The following LYZL2 variants were observed in gnomAD, a reference collection of about 807,000 sequenced individuals.
LYZL2 encodes the protein lysozyme like 2.
A neutral mutation model predicts 17.1 loss-of-function variants in LYZL2; 13 were observed. The observed-to-expected ratio is 0.76, with a 90% CI of 0.49 to 1.21. The LOEUF is 1.21. Ranked by LOEUF, LYZL2 falls within the 50% of genes most tolerant of loss-of-function variation. The pLI is 0.00. For missense variants in LYZL2, 166 were observed against 189.2 expected, an observed-to-expected ratio of 0.88 and a Z score of 0.72; for synonymous variants, 63 against 74.4, an observed-to-expected ratio of 0.85 and a Z score of 0.79.
chr10:30,611,838 C>A lies in LYZL2; in HGVS notation c.*117G>T. ...TTCTTAAAAGTATAGCTTAATTTTC[C>A]CTCTCCAAGTTTGAGAAGGAATATT... is the stretch of plus-strand genomic sequence containing the variant. On this transcript the variant is annotated 3_prime_UTR_variant, in exon 5 of 5. Coordinates refer to ENST00000647634, the MANE Select transcript of LYZL2 (RefSeq NM_183058.3). 6.5e-7 allele frequency: 1 copy of A among 1,549,668 alleles called. No homozygotes were observed. Among genetic ancestry groups the A allele is most frequent in the Non-Finnish European group, 8.7e-7 (1 of 1,146,414 alleles).
intron 3 of LYZL2, among the ~76,000 whole-genome samples, chr10:30,614,520 G>A (rs546332733): frequency 4.1e-4 from 62 of 152,330 alleles, no homozygotes; most frequent in Middle Eastern, 3.4e-3. Context: ...CTGCAGCGGG[G>A]GCAGCATGTC....
chr10:30,611,601 AAGAAAGAAAGAAAG>A (rs1398354845), downstream of LYZL2, among the ~76,000 whole-genome samples: 1 of 120,188 alleles, frequency 8.3e-6, no homozygotes, highest in African/African-American at 3.5e-5. Flanking sequence ...GAAAGAAAGA[AAGAAAGAAAGAAAG>A]AGAAAGAAAG....
chr10:30,606,474 T>C, the LYZL2 span, among the ~76,000 whole-genome samples: 1,771 of 151,644 alleles, frequency 0.012, 37 homozygotes, highest in African/African-American at 0.039. Flanking sequence ...CACCTCAGCC[T>C]GCCAAGCAGC....
At chr10:30,623,815 C>T (rs1307359072) in intron 3 of LYZL2, among the ~76,000 whole-genome samples, 1 of 152,140 alleles carries the variant, frequency 6.6e-6, no homozygotes, top group Non-Finnish European at 1.5e-5. Context: ...GCGCTTGAAT[C>T]ATCCTGAAAC....
chr10:30,615,039 CA>C (rs1380802761), intron 3 of LYZL2, among the ~76,000 whole-genome samples: 2 of 152,172 alleles, frequency 1.3e-5, no homozygotes, highest in African/African-American at 4.8e-5. Flanking sequence ...GCTCCCAATG[CA>C]ATGTTAAGTT....
At chr10:30,620,837 C>A (rs1838607680) in intron 3 of LYZL2, among the ~76,000 whole-genome samples, 1 of 151,304 alleles carries the variant, frequency 6.6e-6, no homozygotes. Flanking sequence ...AAAGAAACAT[C>A]CAATCAATAA....
chr10:30,609,229 C>T (rs76757258), downstream of LYZL2, among the ~76,000 whole-genome samples: 705 of 152,268 alleles, frequency 4.6e-3, 7 homozygotes, highest in African/African-American at 0.016. Context: ...ATGGTCTAGG[C>T]CTCAAGTAGC....
intron 1 of LYZL2, among the ~76,000 whole-genome samples, chr10:30,629,372 C>CA (rs1838769672): frequency 6.8e-6 from 1 of 146,418 alleles, no homozygotes; most frequent in Non-Finnish European, 1.5e-5. Flanking sequence ...CCAGCCTGGG[C>CA]AACAGAGTGA....
downstream of LYZL2, among the ~76,000 whole-genome samples, chr10:30,607,334 C>T (rs647985): frequency 0.034 from 5,200 of 152,018 alleles, 262 homozygotes; most frequent in African/African-American, 0.12. Flanking sequence ...CAATACCCAG[C>T]GTTTCTTTTG....
At chr10:30,611,590 A>G (rs1173329394), downstream of LYZL2, among the ~76,000 whole-genome samples, 19 of 121,796 alleles carry the variant, frequency 1.6e-4, no homozygotes, top group African/African-American at 3.8e-4. Context: ...AAAGAAAGAA[A>G]GAAAGAAAGA....
intron 1 of LYZL2, among the ~76,000 whole-genome samples, chr10:30,628,660 G>T (rs1470205707): frequency 6.6e-6 from 1 of 152,142 alleles, no homozygotes; most frequent in African/African-American, 2.4e-5. Flanking sequence ...CACTTGCCTG[G>T]AAACTTCTCT....
chr10:30,620,666 G>A (rs1239357009), intron 3 of LYZL2, among the ~76,000 whole-genome samples: 1 of 152,078 alleles, frequency 6.6e-6, no homozygotes, highest in Non-Finnish European at 1.5e-5. Context: ...GATCGGTCAA[G>A]GGCAAGACTC....
rs1328461388 is a variant in LYZL2, at chr10:30,626,230, T to G, written c.173A>C (p.Asn58Thr). ...ICMAYYESGY[N>T]TTAQTVLDDG... ...ATCCAGGACCGTCTGGGCTGTGGTG[T>G]TGTAGCCGCTCTCATAATACGCCAT... The change falls in exon 3 of 5, where the codon AAC (asparagine) becomes ACC (threonine). Residue 58 changes from asparagine (N) to threonine (T), a missense_variant. By Grantham distance (65) the Asn-to-Thr change is moderately conservative. Around this residue, in one of 2 missense-constraint regions of LYZL2, gnomAD observed 134 missense variants for 129.4 expected, o/e 1.04. Coordinates refer to ENST00000647634, the MANE Select transcript of LYZL2 (RefSeq NM_183058.3). 1.2e-5 allele frequency: 19 copies of G among 1,614,048 alleles called. No homozygotes were observed. The highest frequency in any genetic ancestry group is 4.4e-5 in the South Asian group (4 of 91,080).
At position 30,612,834 on chromosome 10, in the gene LYZL2, C is replaced by A. The variant is rs758715344; in HGVS notation, c.365G>T (p.Gly122Val). Residue 122 changes from glycine to valine, a missense_variant, in exon 4 of 5, where the codon GGA becomes GTA. Transcript: ENST00000647634. ...GAAAGACTCTTACCAATAGTTCATTCCTTGTGTCTCTTTAACAATTTTCTT... is the reference window on the plus strand; with the variant it reads ...GAAAGACTCTTACCAATAGTTCATTACTTGTGTCTCTTTAACAATTTTCTT... ...CAKKIVKETQ[G>V]MNYWQGWKKH... is the part of the protein sequence containing the mutation. 1.9e-6 allele frequency: 3 copies of A among 1,612,738 alleles called. No individual in the cohort carries two copies. Among genetic ancestry groups the A allele is most frequent in the South Asian group, 2.2e-5 (2 of 91,054 alleles).
intron 3 of LYZL2, among the ~76,000 whole-genome samples, chr10:30,615,265 A>C (rs920192606): frequency 4.6e-5 from 7 of 152,228 alleles, no homozygotes; most frequent in African/African-American, 1.4e-4. Flanking sequence ...ACGTCATGCT[A>C]AGTGAAGGAA....
chr10:30,612,751 C>G (rs1422485850), intron 4 of LYZL2, 71 bp downstream of exon 4: 1 of 1,231,014 alleles, frequency 8.1e-7, no homozygotes, highest in Non-Finnish European at 1.2e-6. Context: ...TCAATTCCAC[C>G]ATAACTGTGA....
intron 1 of LYZL2, among the ~76,000 whole-genome samples, chr10:30,627,347 C>A (rs144832807): frequency 1.3e-5 from 2 of 151,548 alleles, no homozygotes; most frequent in Admixed American, 6.6e-5. Flanking sequence ...TCCATTTATC[C>A]GTGAATTTTC....
At chr10:30,611,732 GAAAGGAAA>G (rs1467618579), downstream of LYZL2, 152 of 510,604 alleles carry the variant, frequency 3.0e-4, 1 homozygote, top group Admixed American at 6.0e-4. Context: ...GAAAAGAAAA[GAAAGGAAA>G]GAAAGAAAGA....
intron 2 of LYZL2, 77 bp downstream of exon 2, chr10:30,626,700 G>A: frequency 1.3e-6 from 2 of 1,586,516 alleles, no homozygotes; most frequent in Admixed American, 1.7e-5. Flanking sequence ...AGACACAGCA[G>A]GGAGTGTAGC....
Sources: allele counts gnomAD v4.1 joint callset (sites outside exome capture counted in the v4.1 genomes callset), GRCh38; gene constraint gnomAD v4.1.1; regional missense constraint gnomAD v4.1.1; transcripts MANE v1.5; gene names NCBI Gene and HGNC (gene_info 2026-07-23, HGNC 2026-07-21).